Variants in PRODH2 observed in about 807,000 individuals in gnomAD.
PRODH2 encodes the protein hydroxyproline dehydrogenase.
Under a neutral mutation model 51.9 loss-of-function variants are expected in PRODH2, and 49 were observed. The ratio of observed to expected loss-of-function variants is 0.94; its 90% CI spans 0.75 to 1.20. The LOEUF is 1.20. Ranked by LOEUF, PRODH2 falls within the 50% of genes most tolerant of loss-of-function variation. The pLI, the probability that PRODH2 is intolerant of heterozygous loss-of-function variation, is 0.00. For synonymous variants in PRODH2, 249 were observed against 260.7 expected (o/e 0.96, Z 0.43); for missense variants, 597 against 610.9 (o/e 0.98, Z 0.24).
In PRODH2 at chr19:35,812,149, G is replaced by T. The variant is rs748594664; in HGVS notation, c.495C>A (p.Thr165=). 6.2e-6 allele frequency: 10 copies of T among 1,614,132 alleles called. No homozygotes were observed. The South Asian group carries it at 1.1e-4, about 18-fold the overall frequency. ...SLMQLKVTAL[T]STRLCKELAS... is the part of the protein sequence containing the mutation. ...CACTCCTTACACAGAGCCGAGTACT[G>T]GTCAGCGCCGTCACCTTCAGCTGCA... Residue 165 remains threonine (T), a synonymous_variant, in exon 3 of 10, where the codon ACC becomes ACA. Coordinates refer to ENST00000653904, the MANE Select transcript of PRODH2 (RefSeq NM_021232.2).
At chr19:35,800,831 C>G (rs1479796834) in intron 9 of PRODH2, among the ~76,000 whole-genome samples, 1 of 151,972 alleles carries the variant, frequency 6.6e-6, no homozygotes, top group African/African-American at 2.4e-5. Context: ...TAGCTGGGAC[C>G]ACAGGCATGC....
At chr19:35,800,821 T>G (rs190665459) in intron 9 of PRODH2, among the ~76,000 whole-genome samples, 1 of 152,190 alleles carries the variant, frequency 6.6e-6, no homozygotes, top group Non-Finnish European at 1.5e-5. Flanking sequence ...GCCTCCTGAA[T>G]AGCTGGGACC....
chr19:35,807,255 C>A, intron 4 of PRODH2, 134 bp from the exon 5 acceptor site: 1 of 826,540 alleles, frequency 1.2e-6, no homozygotes, highest in Non-Finnish European at 1.9e-6. Flanking sequence ...GCTTCACCAC[C>A]TACTGTGTGA....
chr19:35,809,957 T>C, intron 4 of PRODH2, among the ~76,000 whole-genome samples: 1 of 1,338 alleles, frequency 7.5e-4, no homozygotes, highest in Non-Finnish European at 2.3e-3. Context: ...AGATGCCGCT[T>C]CAAAAAAAAA....
chr19:35,809,087 T>C (rs895163213), intron 4 of PRODH2, among the ~76,000 whole-genome samples: 1 of 150,338 alleles, frequency 6.7e-6, no homozygotes, highest in Admixed American at 6.6e-5. Flanking sequence ...GGCCCTTTTT[T>C]CTTTCTTTCT....
chr19:35,802,013 G>A, intron 9 of PRODH2, 178 bp downstream of exon 9: 2 of 629,988 alleles, frequency 3.2e-6, no homozygotes, highest in Non-Finnish European at 2.8e-6. Context: ...TCAAGAACCA[G>A]CAGAAATGAC....
chr19:35,801,018 T>A (rs1041847941), intron 9 of PRODH2, among the ~76,000 whole-genome samples: 1 of 151,892 alleles, frequency 6.6e-6, no homozygotes, highest in Non-Finnish European at 1.5e-5. Context: ...AATACAAAAA[T>A]TGGCTGGGCA....
chr19:35,800,807 C>T (rs1972411405), intron 9 of PRODH2, among the ~76,000 whole-genome samples: 1 of 152,138 alleles, frequency 6.6e-6, no homozygotes, highest in Admixed American at 6.6e-5. Context: ...ATCCTCCCAC[C>T]TCAGCCTCCT....
At chr19:35,804,244 G>C (rs1044097318) in intron 7 of PRODH2, among the ~76,000 whole-genome samples, 8 of 152,180 alleles carry the variant, frequency 5.3e-5, no homozygotes, top group African/African-American at 1.9e-4. Context: ...TTGGAGTGCA[G>C]TGGCGTGATC....
At position 35,802,119 on chromosome 19, in the gene PRODH2, A is replaced by G. The variant is rs1181496814; in HGVS notation, c.1198+72T>C. The G allele has an allele frequency of 4.9e-6, 7 of 1,419,960 alleles. No individual in the cohort carries two copies. The African/African-American group carries it at 8.5e-5, about 17-fold the overall frequency. 88.0% of individuals were successfully genotyped at this position (1,419,960 alleles called of 1,614,324 possible). On this transcript the variant is annotated intron_variant, in intron 9 of 9. Transcript: ENST00000653904. ...TCTGGAGGCTGGGCCTTGGTTGGGA[A>G]TAGGAGAAGGGCTCTGGCTGGGAGG...
chr19:35,806,808 C>T lies in PRODH2; in HGVS notation c.701G>A (p.Arg234Gln), dbSNP rs772355837. The change falls in exon 6 of 10, where the codon CGG becomes CAG. Residue 234 changes from arginine to glutamine, a missense_variant. Physicochemically the swap from Arg to Gln is conservative, Grantham distance 43. Coordinates refer to ENST00000653904, the MANE Select transcript of PRODH2 (RefSeq NM_021232.2). ...GGTGTACTCCGCATCCACCAGGAGC[C>T]GCACGTGCTGGGCCCGGGCATACTG... ...VAQYARAQHV[R>Q]LLVDAEYTSL... 2.7e-5 allele frequency: 43 copies of T among 1,609,282 alleles called. 1 individual carries two copies. The highest frequency in any genetic ancestry group is 4.0e-5 in the African/African-American group (3 of 74,760).
rs575965092 is a variant in PRODH2, at chr19:35,808,218, C to T, written c.598-1097G>A. On this transcript the variant is annotated intron_variant, in intron 4 of 9. Transcript: ENST00000653904. The stretch of plus-strand genomic sequence containing the variant: ...ATGCTTGTAACATGGAAATAAGAAC[C>T]GTTTCTAACTCACAGTCTTATGCAG... 7.9e-5 allele frequency among the ~76,000 whole-genome samples: 12 copies of T among 152,284 alleles called. 2 individuals are homozygous for T. The South Asian group carries it at 2.3e-3, about 29-fold the overall frequency.
intron 4 of PRODH2, among the ~76,000 whole-genome samples, chr19:35,809,981 A>AAAAAAAAAC (rs1972581660): frequency 7.5e-6 from 1 of 133,496 alleles, no homozygotes; most frequent in Non-Finnish European, 1.6e-5. Flanking sequence ...AAAAAAAAAA[A>AAAAAAAAAC]AAAACGCTGG....
chr19:35,812,382 G>A lies in PRODH2; in HGVS notation c.349C>T (p.Pro117Ser), dbSNP rs886746793. The change falls in exon 2 of 10, where the codon CCG becomes TCG. Residue 117 changes from proline (P) to serine (S), a missense_variant. Physicochemically the swap from Pro to Ser is moderately conservative, Grantham distance 74. Transcript: ENST00000653904. Reference protein sequence around the residue: ...PLLAVPTEEEPDSAAKSGEAW... With the variant: ...PLLAVPTEEESDSAAKSGEAW... ...CACCCACTCTTGGCAGCAGAGTCCGGCTCCTCCTCAGTGGGCACTGCCAGC... is the reference window on the plus strand; with the variant it reads ...CACCCACTCTTGGCAGCAGAGTCCGACTCCTCCTCAGTGGGCACTGCCAGC... 26 of 1,613,564 alleles carry A rather than the reference G, an allele frequency of 1.6e-5. No individual in the cohort carries two copies. Among genetic ancestry groups the A allele is most frequent in the Non-Finnish European group, 2.1e-5 (25 of 1,179,680 alleles).
intron 4 of PRODH2, among the ~76,000 whole-genome samples, chr19:35,808,289 G>T (rs1199329722): frequency 6.6e-6 from 1 of 152,198 alleles, no homozygotes; most frequent in African/African-American, 2.4e-5. Flanking sequence ...AGGGAGTCTG[G>T]CTGGGTTCAA....
intron 7 of PRODH2, 71 bp downstream of exon 7, chr19:35,806,359 C>T: frequency 6.4e-7 from 1 of 1,567,206 alleles, no homozygotes. Context: ...ACTGGGATTA[C>T]AGGTATGAGC....
intron 7 of PRODH2, 121 bp downstream of exon 7, chr19:35,806,309 C>T: frequency 7.7e-7 from 1 of 1,303,060 alleles, no homozygotes; most frequent in Non-Finnish European, 1.1e-6. Context: ...GTCTCCAACT[C>T]CTGCTCTCAA....
At chr19:35,806,123 C>T (rs551313409) in intron 7 of PRODH2, among the ~76,000 whole-genome samples, 9 of 151,938 alleles carry the variant, frequency 5.9e-5, no homozygotes, top group African/African-American at 2.2e-4. Flanking sequence ...TCTCGCTCTG[C>T]TGCCCAGGCT....
In PRODH2 at chr19:35,804,374, C is replaced by T. The variant is rs550944020; in HGVS notation, c.1002-1296G>A. On this transcript the variant is annotated intron_variant, in intron 7 of 9. Transcript: ENST00000653904. ...GGCCCCTGACACTTCTATAAACAGC[C>T]TCTTCACCACATTTCCTTTAGTTAA... Among the ~76,000 whole-genome samples the T allele has an allele frequency of 9.2e-5, 14 of 152,324 alleles. 1 individual carries two copies. In the South Asian group the frequency reaches 2.9e-3, roughly 32 times the overall value.
Sources: allele counts gnomAD v4.1 joint callset (sites outside exome capture counted in the v4.1 genomes callset), GRCh38; gene constraint gnomAD v4.1.1; transcripts MANE v1.5; gene names NCBI Gene and HGNC (gene_info 2026-07-23, HGNC 2026-07-21).